The following SARNP variants were observed in gnomAD, a reference collection of about 807,000 sequenced individuals.
SARNP encodes SAP domain containing ribonucleoprotein.
A neutral mutation model predicts 38.1 loss-of-function variants in SARNP; 5 were observed. That is an observed-to-expected ratio of 0.13 (90% CI 0.07 to 0.28). The LOEUF (loss-of-function observed/expected upper bound fraction) is 0.28. SARNP is among the 10% of genes least tolerant of loss of function. The pLI, the probability that SARNP is intolerant of heterozygous loss-of-function variation, is 1.00. For synonymous variants in SARNP, 84 were observed against 80.6 expected (o/e 1.04, Z -0.23); for missense variants, 180 against 243.9 (o/e 0.74, Z 1.75).
chr12:55,784,527 C>T (rs1165180060), intron 9 of SARNP, among the ~76,000 whole-genome samples: 1 of 152,192 alleles, frequency 6.6e-6, no homozygotes, highest in African/African-American at 2.4e-5. Flanking sequence ...CCTTTTCCTC[C>T]AACTTCTCTC....
In SARNP at chr12:55,789,154, A is replaced by G. The variant is rs374279963; in HGVS notation, c.433-11T>C. 2 of 1,570,508 alleles carry G rather than the reference A, an allele frequency of 1.3e-6. No homozygotes were observed. Among genetic ancestry groups the G allele is most frequent in the Non-Finnish European group, 1.7e-6 (2 of 1,157,456 alleles). ...CTTATCCAAGTTAACCTATAAAAAC[A>G]TAGGGGAAAGAACATAGTTTTAAAA... On this transcript the variant is annotated splice_polypyrimidine_tract_variant and intron_variant, in intron 8 of 10. Coordinates refer to ENST00000336133, the MANE Select transcript of SARNP (RefSeq NM_033082.4).
intron 2 of SARNP, among the ~76,000 whole-genome samples, chr12:55,801,775 A>T (rs1879986545): frequency 6.6e-6 from 1 of 151,878 alleles, no homozygotes; most frequent in Non-Finnish European, 1.5e-5. Flanking sequence ...ACATCACCAC[A>T]CCCAGCTAAT....
At chr12:55,761,979 CAGA>C (rs2136176789) in intron 9 of SARNP, 1 of 152,368 alleles carries the variant, frequency 6.6e-6, no homozygotes, top group South Asian at 2.1e-4. Context: ...GTTAACCCAA[CAGA>C]AGGACAGATA....
In SARNP at chr12:55,757,353, T is replaced by G. The variant is rs1353581418; in HGVS notation, c.*159A>C. On this transcript the variant is annotated 3_prime_UTR_variant, in exon 11 of 11. Coordinates refer to ENST00000336133, the MANE Select transcript of SARNP (RefSeq NM_033082.4). ...ACCTTAAAGCTGAAACAGCAATAAG[T>G]CAAACTGCTGCCGCAGTTCATGGAT... The G allele has an allele frequency of 6.5e-6, 3 of 464,050 alleles. No individual in the cohort carries two copies. 28.7% of individuals were successfully genotyped at this position (464,050 alleles called of 1,614,324 possible). A position where few individuals can be genotyped will look rare whatever the true frequency, so the allele number is the denominator to read the frequency against.
intron 9 of SARNP, among the ~76,000 whole-genome samples, chr12:55,769,437 T>C (rs1878941784): frequency 6.6e-6 from 1 of 152,202 alleles, no homozygotes; most frequent in African/African-American, 2.4e-5. Flanking sequence ...ATAACTACAT[T>C]ATGAGGACTC....
intron 4 of SARNP, 93 bp from the exon 5 acceptor site, chr12:55,796,169 C>G (rs1355517584): frequency 1.1e-6 from 1 of 885,682 alleles, no homozygotes; most frequent in Non-Finnish European, 1.8e-6. Flanking sequence ...TCACCATTCT[C>G]TGCCCTATTA....
chr12:55,796,958 G>A (rs1160257077), intron 4 of SARNP, among the ~76,000 whole-genome samples: 1 of 152,122 alleles, frequency 6.6e-6, no homozygotes, highest in African/African-American at 2.4e-5. Context: ...AGTGGTCAAA[G>A]GTTTAAGAGG....
At chr12:55,764,235 G>GA (rs879478561) in intron 9 of SARNP, among the ~76,000 whole-genome samples, 1 of 152,134 alleles carries the variant, frequency 6.6e-6, no homozygotes, top group Non-Finnish European at 1.5e-5. Context: ...TGTAATAAAA[G>GA]AATAAGGGGC....
rs147534545 is a variant in SARNP, at chr12:55,803,793, G to T, written c.37-65C>A. ...ATGAACACCAGTGAATAAAATGGTAGTTCCCACAAGGAAAAGAAAAAAAGA... is the reference window on the plus strand; with the variant it reads ...ATGAACACCAGTGAATAAAATGGTATTTCCCACAAGGAAAAGAAAAAAAGA... On this transcript the variant is annotated intron_variant, in intron 1 of 10. Coordinates refer to ENST00000336133, the MANE Select transcript of SARNP (RefSeq NM_033082.4). The T allele has an allele frequency of 3.9e-5, 41 of 1,040,330 alleles. No individual in the cohort carries two copies. The African/African-American group carries it at 5.9e-4, about 15-fold the overall frequency. The allele number at this position is 1,040,330 out of a possible 1,614,324, so 64.4% of individuals were successfully genotyped here.
At chr12:55,772,478 C>T (rs569049027) in intron 9 of SARNP, among the ~76,000 whole-genome samples, 3 of 152,176 alleles carry the variant, frequency 2.0e-5, no homozygotes, top group Non-Finnish European at 4.4e-5. Context: ...CTTTCCCCAA[C>T]CCCCACTCCT....
intron 1 of SARNP, among the ~76,000 whole-genome samples, 196 bp from the exon 2 acceptor site, chr12:55,803,924 C>A (rs1344747345): frequency 1.3e-5 from 2 of 152,132 alleles, no homozygotes; most frequent in African/African-American, 2.4e-5. Flanking sequence ...AGAGGAACTG[C>A]CTAACAGATG....
intron 9 of SARNP, among the ~76,000 whole-genome samples, chr12:55,768,397 T>C (rs1235663239): frequency 6.6e-6 from 1 of 151,826 alleles, no homozygotes; most frequent in East Asian, 1.9e-4. Context: ...CCCACAGTGC[T>C]GGGATTACAG....
chr12:55,801,705 C>A (rs989134963), intron 2 of SARNP, among the ~76,000 whole-genome samples: 2 of 152,244 alleles, frequency 1.3e-5, no homozygotes, highest in East Asian at 3.9e-4. Flanking sequence ...GCAGCCTCCC[C>A]CTCCTGGGCT....
At chr12:55,778,741 G>T (rs1170584813) in intron 9 of SARNP, among the ~76,000 whole-genome samples, 1 of 152,184 alleles carries the variant, frequency 6.6e-6, no homozygotes, top group Non-Finnish European at 1.5e-5. Flanking sequence ...GGAGGCTGAG[G>T]CTGGCGGATC....
chr12:55,757,702 T>C, intron 10 of SARNP, 149 bp from the exon 11 acceptor site: 1 of 582,336 alleles, frequency 1.7e-6, no homozygotes, highest in South Asian at 2.2e-5. Flanking sequence ...AGAGATTTCA[T>C]TCCTGAATCT....
At chr12:55,807,657 A>AG (rs981209447) in intron 1 of SARNP, among the ~76,000 whole-genome samples, 2 of 151,282 alleles carry the variant, frequency 1.3e-5, no homozygotes, top group African/African-American at 4.9e-5. Context: ...AAAAAAAAAA[A>AG]AAAAAAATTA....
intron 1 of SARNP, among the ~76,000 whole-genome samples, chr12:55,814,416 T>C (rs1266182616): frequency 6.6e-6 from 1 of 152,216 alleles, no homozygotes; most frequent in Non-Finnish European, 1.5e-5. Context: ...ATTTCCTCAC[T>C]TCACTTTTCA....
intron 3 of SARNP, 82 bp downstream of exon 3, chr12:55,800,772 G>A: frequency 7.5e-7 from 1 of 1,334,828 alleles, no homozygotes; most frequent in South Asian, 1.2e-5. Context: ...TTACATCTAA[G>A]TCCTCCAATG....
chr12:55,816,371 T>G (rs766730469), intron 1 of SARNP, among the ~76,000 whole-genome samples: 1 of 152,176 alleles, frequency 6.6e-6, no homozygotes, highest in Non-Finnish European at 1.5e-5. Flanking sequence ...TTTTTTTAAC[T>G]CATCACAATA....
Sources: allele counts gnomAD v4.1 joint callset (sites outside exome capture counted in the v4.1 genomes callset), GRCh38; gene constraint gnomAD v4.1.1; transcripts MANE v1.5; gene names NCBI Gene and HGNC (gene_info 2026-07-23, HGNC 2026-07-21).